Variants in PDZD2 observed in about 807,000 individuals in gnomAD.
PDZD2 encodes the protein PDZ domain containing 2, also known as PDZ domain-containing protein 2.
A neutral mutation model predicts 220.7 loss-of-function variants in PDZD2; 90 were observed. That is an observed-to-expected ratio of 0.41 (90% CI 0.34 to 0.49). PDZD2 has a LOEUF of 0.49. Among genes scored for constraint, PDZD2 ranks in the 20% least tolerant of loss-of-function variants. The pLI is 0.28. For synonymous variants in PDZD2, 1,375 were observed against 1,450.5 expected, an observed-to-expected ratio of 0.95 and a Z score of 1.18; for missense variants, 3,174 against 3,608.5, an observed-to-expected ratio of 0.88 and a Z score of 3.08.
chr5:31,731,172 T>A (rs1178360198), intron 1 of PDZD2, among the ~76,000 whole-genome samples: 2 of 152,136 alleles, frequency 1.3e-5, no homozygotes, highest in Non-Finnish European at 2.9e-5. Flanking sequence ...TTTTTGTTGA[T>A]GTTGTTTTGC....
intron 19 of PDZD2, among the ~76,000 whole-genome samples, chr5:32,084,981 G>C (rs1459218151): frequency 9.0e-6 from 1 of 110,654 alleles, no homozygotes; most frequent in Non-Finnish European, 1.8e-5. Flanking sequence ...TTTTGAGACA[G>C]AGTCTTGCTC....
chr5:31,868,318 G>A (rs2150319992), intron 2 of PDZD2, among the ~76,000 whole-genome samples: 1 of 152,284 alleles, frequency 6.6e-6, no homozygotes, highest in Admixed American at 6.5e-5. Flanking sequence ...GCTGGCGTGT[G>A]CCTTTAATCT....
At chr5:31,818,288 T>C (rs1755600157) in intron 2 of PDZD2, among the ~76,000 whole-genome samples, 1 of 152,122 alleles carries the variant, frequency 6.6e-6, no homozygotes, top group Admixed American at 6.6e-5. Flanking sequence ...TTTTCGTTTT[T>C]TACTGACAGG....
intron 2 of PDZD2, among the ~76,000 whole-genome samples, chr5:31,951,889 T>C (rs1561171446): frequency 6.6e-6 from 1 of 152,242 alleles, no homozygotes; most frequent in African/African-American, 2.4e-5. Flanking sequence ...AGAGTATGTA[T>C]GTTTTCTTTT....
rs1186169635 is a variant in PDZD2, at chr5:32,014,673, C to G, written c.1407+4191C>G. ...CCTGATTGGCAGTTCTTCTCCGAAT[C>G]TCTCTTCATTTTCTGCTCTGCAATG... On this transcript the variant is annotated intron_variant, in intron 6 of 24. Transcript: ENST00000438447. 2.0e-5 allele frequency among the ~76,000 whole-genome samples: 3 copies of G among 147,662 alleles called. No individual in the cohort carries two copies. In the South Asian group the frequency reaches 6.4e-4, roughly 31 times the overall value.
intron 2 of PDZD2, among the ~76,000 whole-genome samples, chr5:31,884,613 G>T (rs1254593518): frequency 1.3e-5 from 2 of 151,944 alleles, no homozygotes; most frequent in Non-Finnish European, 2.9e-5. Context: ...TTTTGAAGCA[G>T]AGTCTTGCTC....
intron 2 of PDZD2, among the ~76,000 whole-genome samples, chr5:31,906,058 G>A (rs1046662040): frequency 1.4e-5 from 2 of 144,174 alleles, no homozygotes; most frequent in Non-Finnish European, 3.0e-5. Flanking sequence ...GTCTCGCTCT[G>A]TTGCCCAGGC....
Position 32,087,815 on chromosome 5 carries a change from C to T in PDZD2, c.4367C>T (p.Ala1456Val), listed in dbSNP as rs1261750453. Reference protein sequence around the residue: ...TGDSGSQEGSAQGHPPAGAGG... With the variant: ...TGDSGSQEGSVQGHPPAGAGG... ...GACAGTGGCTCTCAGGAGGGCAGTG[C>T]TCAGGGCCACCCACCAGCCGGGGCT... is the stretch of plus-strand genomic sequence containing the variant. Residue 1456 changes from alanine (A) to valine (V), a missense_variant, in exon 20 of 25, where the codon GCT (alanine) becomes GTT (valine). Transcript: ENST00000438447. The surrounding 1 kb of genome is among the most constrained non-coding windows in gnomAD (Gnocchi z 4.0). 22 of 1,612,848 alleles carry T rather than the reference C, an allele frequency of 1.4e-5. No homozygotes were observed. The highest frequency in any genetic ancestry group is 1.6e-5 in the Non-Finnish European group (19 of 1,179,662).
chr5:32,095,724 T>A (rs867403700), intron 21 of PDZD2, among the ~76,000 whole-genome samples: 13 of 151,996 alleles, frequency 8.6e-5, no homozygotes, highest in African/African-American at 2.9e-4. Flanking sequence ...CATTTTCTTT[T>A]TTTTTTTCCT....
rs185368893 is a variant in PDZD2, at chr5:31,684,597, C to T, written c.-361+45160C>T. On this transcript the variant is annotated intron_variant, in intron 1 of 24. Transcript: ENST00000438447. ...TTTTTTAGATGTTAAACAGATACAT[C>T]GCTCTGCAAACTAAAACCCTTTAAA... 9.9e-5 allele frequency among the ~76,000 whole-genome samples: 15 copies of T among 150,760 alleles called. No homozygotes were observed. In the East Asian group the frequency reaches 2.4e-3, roughly 24 times the overall value.
intron 2 of PDZD2, among the ~76,000 whole-genome samples, chr5:31,815,109 G>A (rs1755355707): frequency 6.6e-6 from 1 of 151,896 alleles, no homozygotes. Flanking sequence ...ACTGGATGTG[G>A]TGGCAGGCAC....
chr5:31,941,825 C>T (rs546829453), intron 2 of PDZD2, among the ~76,000 whole-genome samples: 1 of 152,258 alleles, frequency 6.6e-6, no homozygotes, highest in South Asian at 2.1e-4. Context: ...TGGATTCAGC[C>T]ATTTCAGTAG....
At chr5:31,869,019 T>C (rs1738493902) in intron 2 of PDZD2, among the ~76,000 whole-genome samples, 1 of 152,192 alleles carries the variant, frequency 6.6e-6, no homozygotes, top group Admixed American at 6.5e-5. Context: ...ATGATCTGCC[T>C]GCTTCGGCCT....
At chr5:31,862,100 G>GTT (rs1561519283) in intron 2 of PDZD2, among the ~76,000 whole-genome samples, 3 of 80,282 alleles carry the variant, frequency 3.7e-5, no homozygotes. Context: ...TTTTTTTTTG[G>GTT]GTTTTTTTTT....
intron 1 of PDZD2, among the ~76,000 whole-genome samples, chr5:31,703,488 G>A (rs865988433): frequency 7.9e-5 from 12 of 152,120 alleles, no homozygotes; most frequent in Middle Eastern, 6.8e-3. Flanking sequence ...GGGTCGGGGG[G>A]AAGGGGAGGG....
intron 1 of PDZD2, among the ~76,000 whole-genome samples, chr5:31,654,940 T>C (rs1745489306): frequency 6.6e-6 from 1 of 152,136 alleles, no homozygotes; most frequent in Non-Finnish European, 1.5e-5. Context: ...CCCCTCCCCT[T>C]GCCCTTCCTG....
intron 1 of PDZD2, among the ~76,000 whole-genome samples, chr5:31,722,265 C>G (rs1227245249): frequency 2.0e-5 from 3 of 152,116 alleles, no homozygotes; most frequent in Admixed American, 6.5e-5. Flanking sequence ...ACCGCACACT[C>G]TGCTCCTCCC....
chr5:32,072,378 C>T, intron 17 of PDZD2, 61 bp downstream of exon 17: 6 of 1,308,226 alleles, frequency 4.6e-6, no homozygotes, highest in Non-Finnish European at 6.4e-6. Flanking sequence ...GACTGGTTTC[C>T]ACCTCTGTGC....
intron 2 of PDZD2, among the ~76,000 whole-genome samples, chr5:31,813,221 C>T (rs1053629893): frequency 1.3e-5 from 2 of 151,976 alleles, no homozygotes; most frequent in African/African-American, 4.8e-5. Context: ...GAGGCCAAGG[C>T]AGGTGGATCA....
Sources: gnomAD v4.1 joint callset for allele counts (sites outside exome capture counted in the v4.1 genomes callset) on GRCh38, gnomAD v4.1.1 for gene constraint, Gnocchi (gnomAD v3.1) non-coding constraint, MANE v1.5 for transcripts, NCBI Gene and HGNC (gene_info 2026-07-23, HGNC 2026-07-21) for gene names.